Variants in GIT1 observed in about 807,000 individuals in gnomAD.
The protein encoded by GIT1 is ARF GTPase-activating protein GIT1.
GIT1 carries 14 observed loss-of-function variants against 91.7 expected under a neutral mutation model. The observed-to-expected ratio is 0.15, with a 90% CI of 0.10 to 0.24. GIT1 has a LOEUF of 0.24. Ranked by LOEUF, GIT1 falls within the 10% of genes least tolerant of loss-of-function variation. The pLI is 1.00. For synonymous variants in GIT1, 414 were observed against 418.2 expected (o/e 0.99, Z 0.12); for missense variants, 717 against 1,024.9 (o/e 0.70, Z 4.10).
In GIT1 at chr17:29,576,117, G is replaced by A. The variant is rs1598564795; in HGVS notation, c.1626C>T (p.Asp542=). The change falls in exon 15 of 20, where the codon GAC becomes GAT. Residue 542 remains aspartate (D), a synonymous_variant. Coordinates refer to ENST00000225394, the MANE Select transcript of GIT1 (RefSeq NM_014030.4). ...QPFHSTELED[D]AIYSVHVPAG... is the part of the protein sequence containing the mutation. ...CAGGGACGTGCACTGAATAGATGGC[G>A]TCGTCCTCTAGCTCCTGGGGATGTT... The A allele has an allele frequency of 3.7e-6, 6 of 1,613,760 alleles. No individual in the cohort carries two copies. Among genetic ancestry groups the A allele is most frequent in the South Asian group, 1.1e-5 (1 of 91,086 alleles).
chr17:29,579,150 CT>C, intron 7 of GIT1: 1 of 650,390 alleles, frequency 1.5e-6, no homozygotes, highest in Non-Finnish European at 2.8e-6. Flanking sequence ...TCCCCCACCC[CT>C]CCTCCTCTGG....
At chr17:29,583,662 A>G in intron 1 of GIT1, 46 bp from the exon 2 acceptor site, 1 of 1,535,950 alleles carries the variant, frequency 6.5e-7, no homozygotes, top group Non-Finnish European at 8.8e-7. Context: ...ATGATGGGCC[A>G]GACCTCCTGA....
intron 1 of GIT1, among the ~76,000 whole-genome samples, chr17:29,584,959 CT>C (rs11419578): frequency 0.011 from 1,105 of 102,370 alleles, 9 homozygotes; most frequent in South Asian, 0.049. Flanking sequence ...TGGGTTTAGG[CT>C]TTTTTTTTTT....
At position 29,575,416 on chromosome 17, in the gene GIT1, C is replaced by T; in HGVS notation, c.1881G>A (p.Glu627=). Residue 627 remains glutamate (E), a synonymous_variant, in exon 18 of 20, where the codon GAG becomes GAA. Coordinates refer to ENST00000225394, the MANE Select transcript of GIT1 (RefSeq NM_014030.4). This position sits in a 1 kb window ranked among gnomAD's most constrained non-coding sequence, Gnocchi z 5.5. ...ELGKEEDFHP[E]LESLDGDLDP... is the part of the protein sequence containing the mutation. ...CTAGGTCTCCATCCAGGCTTTCCAG[C>T]TCTGGGTGGAAGTCTTCCTCTTTGC... The T allele has an allele frequency of 6.2e-7, 1 of 1,613,298 alleles. No homozygotes were observed. The highest frequency in any genetic ancestry group is 8.5e-7 in the Non-Finnish European group (1 of 1,179,510).
chr17:29,583,146 G>A (rs2033461228), intron 2 of GIT1, 109 bp from the exon 3 acceptor site: 2 of 737,786 alleles, frequency 2.7e-6, no homozygotes, highest in Non-Finnish European at 2.4e-6. Flanking sequence ...CGGTACCAAG[G>A]GGGCCTACTG....
intron 9 of GIT1, 141 bp from the exon 10 acceptor site, chr17:29,577,883 C>G (rs1373006078): frequency 1.6e-6 from 1 of 644,540 alleles, no homozygotes. Context: ...TCTTTGGGCA[C>G]GCAGAGCTAG....
chr17:29,586,798 A>G (rs376212388), intron 1 of GIT1, among the ~76,000 whole-genome samples: 1 of 152,196 alleles, frequency 6.6e-6, no homozygotes, highest in African/African-American at 2.4e-5. Flanking sequence ...GCCTAAGGAA[A>G]GGGGAAGATG....
intron 7 of GIT1, among the ~76,000 whole-genome samples, chr17:29,580,689 G>A (rs2033366503): frequency 6.6e-6 from 1 of 152,034 alleles, no homozygotes; most frequent in Non-Finnish European, 1.5e-5. Flanking sequence ...AAGAGCAGAG[G>A]CTTCTCTAAA....
At position 29,575,662 on chromosome 17, in the gene GIT1, A is replaced by G; in HGVS notation, c.1794T>C (p.Tyr598=). ...SRHGSGADSD[Y]ENTQSGDPLL... The stretch of plus-strand genomic sequence containing the variant: ...GTGGGTCCCCACTTTGCGTGTTCTC[A>G]TAGTCACTGTCGGCTCCACTGCCGT... Residue 598 remains tyrosine, a synonymous_variant, in exon 17 of 20, where the codon TAT becomes TAC. Coordinates refer to ENST00000225394, the MANE Select transcript of GIT1 (RefSeq NM_014030.4). This position sits in a 1 kb window ranked among gnomAD's most constrained non-coding sequence, Gnocchi z 5.5. The G allele has an allele frequency of 6.2e-7, 1 of 1,612,452 alleles. No homozygotes were observed. The highest frequency in any genetic ancestry group is 8.5e-7 in the Non-Finnish European group (1 of 1,179,772).
chr17:29,578,522 T>A, intron 8 of GIT1, 151 bp from the exon 9 acceptor site: 1 of 870,332 alleles, frequency 1.1e-6, no homozygotes, highest in Non-Finnish European at 1.9e-6. Flanking sequence ...TGGAAAGGGA[T>A]CATGTTCCAA....
Position 29,581,471 on chromosome 17 carries a change from AC to A in GIT1, c.719-92del. 9.6e-7 allele frequency: 1 copy of A among 1,039,220 alleles called. No individual in the cohort carries two copies. The highest frequency in any genetic ancestry group is 1.5e-6 in the Non-Finnish European group (1 of 660,980). The allele number at this position is 1,039,220 out of a possible 1,614,324, so 64.4% of individuals were successfully genotyped here. On this transcript the variant is annotated intron_variant, in intron 6 of 19. Transcript: ENST00000225394. The surrounding 1 kb of genome is among the most constrained non-coding windows in gnomAD (Gnocchi z 4.8). ...CCTCACTGCCATGAGCAGGGCTGGC[AC>A]CCAGAAGTGTCAGGGGAAAGTGGGG... is the stretch of plus-strand genomic sequence containing the variant.
chr17:29,578,919 C>A, intron 7 of GIT1, 140 bp from the exon 8 acceptor site: 1 of 1,607,276 alleles, frequency 6.2e-7, no homozygotes, highest in Non-Finnish European at 8.5e-7. Context: ...CCTCCCCGCC[C>A]TACCCCACCT....
chr17:29,576,745 G>T, intron 12 of GIT1, 71 bp from the exon 13 acceptor site: 1 of 1,596,992 alleles, frequency 6.3e-7, no homozygotes, highest in Non-Finnish European at 8.6e-7. Context: ...GGCAGTTATT[G>T]AGGCTAGGAG....
At position 29,581,109 on chromosome 17, in the gene GIT1, A is replaced by G; in HGVS notation, c.761+229T>C. On this transcript the variant is annotated intron_variant, in intron 7 of 19. Transcript: ENST00000225394. The surrounding 1 kb of genome is among the most constrained non-coding windows in gnomAD (Gnocchi z 4.8). The stretch of plus-strand genomic sequence containing the variant: ...GTAGCTTCTCACACCCAAGCCCTCC[A>G]TGTACTTGACAGTCACGGGGCTCAG... The G allele has an allele frequency of 1.7e-6, 1 of 580,960 alleles. No homozygotes were observed. Among genetic ancestry groups the G allele is most frequent in the South Asian group, 2.0e-5 (1 of 49,904 alleles). The allele number at this position is 580,960 out of a possible 1,614,324, so 36.0% of individuals were successfully genotyped here. A position where few individuals can be genotyped will look rare whatever the true frequency, so the allele number is the denominator to read the frequency against.
chr17:29,585,111 C>T (rs1461542777), intron 1 of GIT1, among the ~76,000 whole-genome samples: 1 of 151,998 alleles, frequency 6.6e-6, no homozygotes, highest in Non-Finnish European at 1.5e-5. Flanking sequence ...GGGCTGACTC[C>T]AGGGCTCAGG....
rs374201129 is a variant in GIT1 at position 29,576,686 on chromosome 17, G to C, written c.1228-12C>G. 6.2e-7 allele frequency: 1 copy of C among 1,613,642 alleles called. No individual in the cohort carries two copies. The highest frequency in any genetic ancestry group is 1.3e-5 in the African/African-American group (1 of 75,050). ...GAGGAGTCCATGCTCTGCAGAGAGAGACCTAAGCTGGTCAGCACCTGGGGG... is the reference window on the plus strand; with the variant it reads ...GAGGAGTCCATGCTCTGCAGAGAGACACCTAAGCTGGTCAGCACCTGGGGG... On this transcript the variant is annotated splice_polypyrimidine_tract_variant and intron_variant, in intron 12 of 19. Coordinates refer to ENST00000225394, the MANE Select transcript of GIT1 (RefSeq NM_014030.4).
At chr17:29,584,937 G>A (rs2150851388) in intron 1 of GIT1, among the ~76,000 whole-genome samples, 1 of 150,894 alleles carries the variant, frequency 6.6e-6, no homozygotes, top group Non-Finnish European at 1.5e-5. Context: ...GTAAAGGAGA[G>A]AGGCCTGTCT....
intron 7 of GIT1, chr17:29,579,387 A>C: frequency 3.9e-6 from 1 of 257,330 alleles, no homozygotes; most frequent in Non-Finnish European, 7.5e-6. Context: ...TGGCTGCACT[A>C]CCCCTTGCCT....
chr17:29,586,084 C>G (rs1460033077), intron 1 of GIT1, among the ~76,000 whole-genome samples: 1 of 152,176 alleles, frequency 6.6e-6, no homozygotes, highest in Non-Finnish European at 1.5e-5. Context: ...AAGCCCACAT[C>G]ATGAAGGCAG....
Sources: gnomAD v4.1 joint callset for allele counts (sites outside exome capture counted in the v4.1 genomes callset) on GRCh38, gnomAD v4.1.1 for gene constraint, Gnocchi (gnomAD v3.1) non-coding constraint, MANE v1.5 for transcripts, NCBI Gene and HGNC (gene_info 2026-07-23, HGNC 2026-07-21) for gene names.